Variants in PXDNL observed in about 807,000 individuals in gnomAD.
PXDNL encodes the protein probable oxidoreductase PXDNL.
In PXDNL, 145 loss-of-function variants were observed where a neutral mutation model predicts 150.8. The ratio of observed to expected loss-of-function variants is 0.96; its 90% CI spans 0.84 to 1.10. The LOEUF is 1.10. Among genes scored for constraint, PXDNL ranks in the 50% least tolerant of loss-of-function variants. PXDNL has a pLI of 0.00. For synonymous variants in PXDNL, 757 were observed against 725.7 expected (o/e 1.04, Z -0.69); for missense variants, 2,087 against 1,873.9 (o/e 1.11, Z -2.10).
chr8:51,759,690 G>A (rs948666297), intron 1 of PXDNL, among the ~76,000 whole-genome samples: 1 of 152,196 alleles, frequency 6.6e-6, no homozygotes, highest in Non-Finnish European at 1.5e-5. Context: ...ATAGCAATAA[G>A]CAAGAAGAAC....
intron 21 of PXDNL, among the ~76,000 whole-genome samples, chr8:51,338,182 CAAAAAAAAAA>C (rs757946882): frequency 2.4e-4 from 22 of 90,042 alleles, no homozygotes; most frequent in Non-Finnish European, 4.7e-4. Context: ...GACTCCATCT[CAAAAAAAAAA>C]AAAAAAAAAA....
chr8:51,670,382 C>A, intron 1 of PXDNL, among the ~76,000 whole-genome samples: 1 of 152,172 alleles, frequency 6.6e-6, no homozygotes, highest in East Asian at 1.9e-4. Context: ...TCATAGAGTG[C>A]ATTTACACAA....
rs1419245929 is a variant in PXDNL at position 51,409,167 on chromosome 8, A to G, written c.2457T>C (p.Pro819=). 1 of 1,600,044 alleles carries G rather than the reference A, an allele frequency of 6.2e-7. No homozygotes were observed. The highest frequency in any genetic ancestry group is 1.1e-5 in the South Asian group (1 of 89,870). Residue 819 remains proline, a synonymous_variant, in exon 17 of 23, where the codon CCT becomes CCC. Coordinates refer to ENST00000356297, the MANE Select transcript of PXDNL (RefSeq NM_144651.5). ...CCGAGAAGCGGGCTGTGCTCAGCGC[A>G]GGCACTGTGTGGTCCAAGTCGTGCT... The part of the protein sequence containing the change: ...FLEHDLDHTV[P]ALSTARFSDG...
chr8:51,511,978 C>A (rs1297963448), intron 4 of PXDNL, among the ~76,000 whole-genome samples: 1 of 152,150 alleles, frequency 6.6e-6, no homozygotes, highest in Non-Finnish European at 1.5e-5. Context: ...TTTTTAAAAG[C>A]AAAGGAATGG....
chr8:51,784,406 C>T (rs922194611), intron 1 of PXDNL, among the ~76,000 whole-genome samples: 2 of 152,190 alleles, frequency 1.3e-5, no homozygotes, highest in African/African-American at 4.8e-5. Flanking sequence ...TACACTCATA[C>T]CAGAATCTCG....
chr8:51,794,915 T>C (rs1028368344), intron 1 of PXDNL, among the ~76,000 whole-genome samples: 3 of 152,114 alleles, frequency 2.0e-5, no homozygotes, highest in Non-Finnish European at 2.9e-5. Context: ...AAGAGACTCA[T>C]CTCGTGCAGA....
intron 1 of PXDNL, among the ~76,000 whole-genome samples, chr8:51,717,191 C>G (rs112944927): frequency 1.0e-3 from 158 of 152,244 alleles, no homozygotes; most frequent in African/African-American, 3.7e-3. Flanking sequence ...TCTGTCTCTT[C>G]CTTTTAAAAA....
intron 1 of PXDNL, among the ~76,000 whole-genome samples, chr8:51,684,361 G>A (rs1031438714): frequency 2.6e-5 from 4 of 152,178 alleles, no homozygotes; most frequent in African/African-American, 9.7e-5. Context: ...CAGTGTAAAA[G>A]GCATTAATTC....
At chr8:51,674,788 C>T (rs1815573724) in intron 1 of PXDNL, among the ~76,000 whole-genome samples, 1 of 152,216 alleles carries the variant, frequency 6.6e-6, no homozygotes, top group African/African-American at 2.4e-5. Flanking sequence ...TGGCATGCCG[C>T]TCCTATTTTA....
chr8:51,413,574 C>A (rs1808713083), intron 14 of PXDNL, among the ~76,000 whole-genome samples: 2 of 151,996 alleles, frequency 1.3e-5, no homozygotes, highest in East Asian at 3.9e-4. Context: ...AGCAATTTGT[C>A]ATCTTGGAGA....
Position 51,691,138 on chromosome 8 carries a change from T to C in PXDNL, c.165-36378A>G, listed in dbSNP as rs575623939. On this transcript the variant is annotated intron_variant, in intron 1 of 22. Transcript: ENST00000356297. ...TTAGGTTGCCTGTTCACTCTGATGG[T>C]AGTTTCTTTTGCTGTGCAGAAGCTC... Among the ~76,000 whole-genome samples, 753 of 152,294 alleles carry C rather than the reference T, an allele frequency of 4.9e-3. 3 individuals carry two copies. Among genetic ancestry groups the C allele is most frequent in the African/African-American group, 0.017 (706 of 41,556 alleles).
chr8:51,676,223 C>A (rs1440587015), intron 1 of PXDNL, among the ~76,000 whole-genome samples: 1 of 152,060 alleles, frequency 6.6e-6, no homozygotes, highest in Non-Finnish European at 1.5e-5. Flanking sequence ...TTCACCTATG[C>A]TGGCCATTTG....
intron 1 of PXDNL, among the ~76,000 whole-genome samples, chr8:51,733,856 T>C (rs1430166819): frequency 6.8e-6 from 1 of 146,694 alleles, no homozygotes; most frequent in African/African-American, 2.5e-5. Flanking sequence ...ATGATATATA[T>C]GATATATGAT....
At chr8:51,523,338 T>C (rs1279000495) in intron 4 of PXDNL, among the ~76,000 whole-genome samples, 2 of 152,216 alleles carry the variant, frequency 1.3e-5, no homozygotes, top group Non-Finnish European at 1.5e-5. Flanking sequence ...TAAACTACAT[T>C]TGGAAAATAA....
intron 1 of PXDNL, among the ~76,000 whole-genome samples, chr8:51,771,581 A>G (rs1404695434): frequency 2.0e-5 from 3 of 152,180 alleles, no homozygotes. Flanking sequence ...CCCTGCAAGT[A>G]TGTCACTTGC....
intron 1 of PXDNL, among the ~76,000 whole-genome samples, chr8:51,670,148 G>A (rs1421754262): frequency 6.6e-6 from 1 of 152,120 alleles, no homozygotes; most frequent in Non-Finnish European, 1.5e-5. Context: ...TGAGGCAGGA[G>A]AATTGCTTGA....
In PXDNL at chr8:51,592,137, AT is replaced by A. The variant is rs1813456841; in HGVS notation, c.308+489del. Reference sequence around the variant, plus strand: ...CCAATAATACACAAAAACCATGACAATTGTCAGTGATCATATTTGTGACCTA... The same window carrying A: ...CCAATAATACACAAAAACCATGACAATGTCAGTGATCATATTTGTGACCTA... On this transcript the variant is annotated intron_variant, in intron 3 of 22. Transcript: ENST00000356297. Among the ~76,000 whole-genome samples the A allele has an allele frequency of 2.6e-5, 4 of 152,310 alleles. No homozygotes were observed. The South Asian group carries it at 8.3e-4, about 32-fold the overall frequency.
chr8:51,607,447 C>A (rs1202978276), intron 2 of PXDNL, among the ~76,000 whole-genome samples: 2 of 152,126 alleles, frequency 1.3e-5, no homozygotes, highest in East Asian at 3.9e-4. Context: ...ATACCTTAAC[C>A]AATTTTCTAC....
chr8:51,709,355 C>G (rs544777032), intron 1 of PXDNL, among the ~76,000 whole-genome samples: 2 of 151,728 alleles, frequency 1.3e-5, no homozygotes, highest in African/African-American at 2.4e-5. Context: ...CCCGGGTTCA[C>G]GCCATTCTCC....
Sources: allele counts gnomAD v4.1 joint callset (sites outside exome capture counted in the v4.1 genomes callset), GRCh38; gene constraint gnomAD v4.1.1; transcripts MANE v1.5; gene names NCBI Gene and HGNC (gene_info 2026-07-23, HGNC 2026-07-21).